Variants in CNTLN observed in about 807,000 individuals in gnomAD.
CNTLN encodes the protein centlein, centrosomal protein.
A neutral mutation model predicts 180.0 loss-of-function variants in CNTLN; 212 were observed. That is an observed-to-expected ratio of 1.18 (90% CI 1.05 to 1.32). CNTLN has a LOEUF of 1.32. Among genes scored for constraint, CNTLN ranks in the 40% most tolerant of loss-of-function variants. The pLI, the probability that CNTLN is intolerant of heterozygous loss-of-function variation, is 0.00. For synonymous variants in CNTLN, 722 were observed against 563.1 expected (o/e 1.28, Z -3.99); for missense variants, 2,095 against 1,610.9 (o/e 1.30, Z -5.14).
chr9:17,351,745 T>G (rs1822383827), intron 12 of CNTLN, among the ~76,000 whole-genome samples: 1 of 152,196 alleles, frequency 6.6e-6, no homozygotes. Flanking sequence ...TCATATCTAT[T>G]TTCAACAGTG....
intron 12 of CNTLN, among the ~76,000 whole-genome samples, chr9:17,366,106 T>G (rs1267985722): frequency 6.6e-6 from 1 of 152,164 alleles, no homozygotes; most frequent in Non-Finnish European, 1.5e-5. Context: ...TTGTAGTTTT[T>G]TGGATTTGGG....
chr9:17,360,466 A>G (rs1218671565), intron 12 of CNTLN, among the ~76,000 whole-genome samples: 1 of 152,162 alleles, frequency 6.6e-6, no homozygotes, highest in Non-Finnish European at 1.5e-5. Context: ...GATTGAAGAC[A>G]GGCTAGGGTG....
In CNTLN at chr9:17,430,610, G is replaced by A. The variant is rs114446089; in HGVS notation, c.3114+14421G>A. ...AACATACAATAAATTATTGCTAACT[G>A]TAGTTGCCCTACTGTACTACTGAAC... On this transcript the variant is annotated intron_variant, in intron 18 of 25. Coordinates refer to ENST00000380647, the MANE Select transcript of CNTLN (RefSeq NM_017738.4). 7.1e-3 allele frequency among the ~76,000 whole-genome samples: 1,076 copies of A among 151,968 alleles called. 11 individuals carry two copies. Among genetic ancestry groups the A allele is most frequent in the African/African-American group, 0.024 (997 of 41,490 alleles).
intron 2 of CNTLN, among the ~76,000 whole-genome samples, chr9:17,145,838 GA>G (rs1818421079): frequency 6.6e-6 from 1 of 152,082 alleles, no homozygotes; most frequent in South Asian, 2.1e-4. Flanking sequence ...AGAAAGGATG[GA>G]CAGGTGGTAC....
intron 2 of CNTLN, among the ~76,000 whole-genome samples, chr9:17,225,164 C>T (rs1490979132): frequency 1.3e-5 from 2 of 151,918 alleles, no homozygotes. Context: ...TTTCTAGACT[C>T]TAATATAAGC....
intron 5 of CNTLN, among the ~76,000 whole-genome samples, chr9:17,253,584 T>C (rs1826286800): frequency 6.6e-6 from 1 of 151,566 alleles, no homozygotes; most frequent in South Asian, 2.1e-4. Context: ...TACTAATGTA[T>C]GGAAATGCTA....
chr9:17,236,515 A>G lies in CNTLN; in HGVS notation c.776A>G (p.Asn259Ser). ...KLSTRCTDLLNDLEKLRKQEA... is the reference protein window; with the variant it reads ...KLSTRCTDLLSDLEKLRKQEA... ...AGTACCCGCTGCACTGACCTGCTAA[A>G]TGACCTGGAGAAATTGAGGAAGCAG... Residue 259 changes from asparagine to serine, a missense_variant, in exon 5 of 26, where the codon AAT (asparagine) becomes AGT (serine). Physicochemically the swap from Asn to Ser is conservative, Grantham distance 46. Coordinates refer to ENST00000380647, the MANE Select transcript of CNTLN (RefSeq NM_017738.4). 1 of 1,613,758 alleles carries G rather than the reference A, an allele frequency of 6.2e-7. No individual in the cohort carries two copies. The highest frequency in any genetic ancestry group is 8.5e-7 in the Non-Finnish European group (1 of 1,179,798).
At chr9:17,284,959 T>G (rs117150937) in intron 6 of CNTLN, among the ~76,000 whole-genome samples, 85 of 152,242 alleles carry the variant, frequency 5.6e-4, no homozygotes, top group Non-Finnish European at 1.1e-3. Flanking sequence ...TGTTGTCTCT[T>G]TGTTATCATT....
intron 18 of CNTLN, among the ~76,000 whole-genome samples, chr9:17,423,120 C>T (rs1310512157): frequency 6.6e-6 from 1 of 152,104 alleles, no homozygotes; most frequent in Non-Finnish European, 1.5e-5. Context: ...AGAGGGGTGA[C>T]TGAGTCACTT....
At chr9:17,303,428 A>C (rs1818504355) in intron 7 of CNTLN, among the ~76,000 whole-genome samples, 1 of 152,126 alleles carries the variant, frequency 6.6e-6, no homozygotes, top group African/African-American at 2.4e-5. Flanking sequence ...TTCTCTGTGA[A>C]AAGGGCTTCC....
chr9:17,376,052 C>A (rs370536917), intron 13 of CNTLN, among the ~76,000 whole-genome samples: 2 of 152,178 alleles, frequency 1.3e-5, no homozygotes, highest in Non-Finnish European at 2.9e-5. Flanking sequence ...CTCCAATGCT[C>A]GCATTCAGGT....
chr9:17,468,125 T>C (rs1055076071), intron 23 of CNTLN, among the ~76,000 whole-genome samples: 1 of 151,430 alleles, frequency 6.6e-6, no homozygotes, highest in African/African-American at 2.4e-5. Flanking sequence ...TTATCCTAAG[T>C]GAACTAACAC....
intron 2 of CNTLN, among the ~76,000 whole-genome samples, chr9:17,182,543 A>G (rs2131737390): frequency 6.6e-6 from 1 of 152,356 alleles, no homozygotes; most frequent in Admixed American, 6.5e-5. Flanking sequence ...TGGGAATGGA[A>G]GCTGACCATG....
At chr9:17,527,783 C>G in the CNTLN span, among the ~76,000 whole-genome samples, 189 of 151,992 alleles carry the variant, frequency 1.2e-3, 1 homozygote, top group African/African-American at 4.3e-3. Context: ...AGGAAATATA[C>G]AAGATGAGCC....
chr9:17,340,457 A>G (rs1564008911), intron 10 of CNTLN, among the ~76,000 whole-genome samples: 1 of 152,222 alleles, frequency 6.6e-6, no homozygotes, highest in East Asian at 1.9e-4. Flanking sequence ...TTTGCACTTT[A>G]ATAAAATAAT....
At chr9:17,501,493 T>A (rs930443080) in intron 25 of CNTLN, among the ~76,000 whole-genome samples, 1 of 152,188 alleles carries the variant, frequency 6.6e-6, no homozygotes, top group Admixed American at 6.5e-5. Context: ...CCATTCTGAT[T>A]GGTTTAATTA....
intron 13 of CNTLN, among the ~76,000 whole-genome samples, chr9:17,376,768 G>A (rs1305638055): frequency 6.6e-6 from 1 of 152,072 alleles, no homozygotes; most frequent in African/African-American, 2.4e-5. Context: ...TCTCTTAATG[G>A]CCAGATACGG....
At chr9:17,507,464 A>G (rs530062190), downstream of CNTLN, among the ~76,000 whole-genome samples, 1 of 152,288 alleles carries the variant, frequency 6.6e-6, no homozygotes, top group East Asian at 1.9e-4. Flanking sequence ...ACAAAAGTAG[A>G]TATCATTTTA....
intron 5 of CNTLN, among the ~76,000 whole-genome samples, chr9:17,243,127 A>G (rs1825597415): frequency 6.6e-6 from 1 of 152,176 alleles, no homozygotes; most frequent in Non-Finnish European, 1.5e-5. Context: ...ATAGTTGCTC[A>G]TAGTAGCCAT....
Sources: gnomAD v4.1 joint callset for allele counts (sites outside exome capture counted in the v4.1 genomes callset) on GRCh38, gnomAD v4.1.1 for gene constraint, MANE v1.5 for transcripts, NCBI Gene and HGNC (gene_info 2026-07-23, HGNC 2026-07-21) for gene names.